The following GNA14 variants were observed in gnomAD, a reference collection of about 807,000 sequenced individuals.
The protein encoded by GNA14 is G protein subunit alpha 14, also known as guanine nucleotide-binding protein subunit alpha-14.
In GNA14, 50 loss-of-function variants were observed where a neutral mutation model predicts 42.0. The ratio of observed to expected loss-of-function variants is 1.19; its 90% confidence interval spans 0.95 to 1.51. The LOEUF (loss-of-function observed/expected upper bound fraction) is 1.51. GNA14 is among the 40% of genes most tolerant of loss of function. The pLI is 0.00. For missense variants in GNA14, 473 were observed against 446.2 expected (o/e 1.06, Z -0.54); for synonymous variants, 173 against 163.1 (o/e 1.06, Z -0.46).
At chr9:77,518,403 A>C (rs1346817458) in intron 2 of GNA14, among the ~76,000 whole-genome samples, 4 of 152,084 alleles carry the variant, frequency 2.6e-5, no homozygotes, top group Non-Finnish European at 4.4e-5. Context: ...AGCAAAGGCA[A>C]GTCTCTACAC....
In GNA14 at chr9:77,431,384, C is replaced by T. The variant is rs761483742; in HGVS notation, c.530G>A (p.Arg177His). The T allele has an allele frequency of 2.0e-5, 32 of 1,613,224 alleles. No homozygotes were observed. Among genetic ancestry groups the T allele is most frequent in the Admixed American group, 1.2e-4 (7 of 59,956 alleles). Residue 177 changes from arginine to histidine, a missense_variant, in exon 4 of 7, where the codon CGC becomes CAC. By Grantham distance (29) the Arg-to-His change is conservative. Transcript: ENST00000341700. ...SFVPTQQDVL[R>H]VRVPTTGIIE... ...GATGCCGGTGGTGGGCACTCGGACG[C>T]GAAGCACATCTTGTTGGGTAGGCAC... is the stretch of plus-strand genomic sequence containing the variant.
chr9:77,437,370 C>T lies in GNA14; in HGVS notation c.310-2848G>A, dbSNP rs371105478. ...GACCAGCATGTCCAACATGGTGAAA[C>T]CCTGTCTCTACCAAAAACATTAAAA... On this transcript the variant is annotated intron_variant, in intron 2 of 6. Coordinates refer to ENST00000341700, the MANE Select transcript of GNA14 (RefSeq NM_004297.4). 3.3e-5 allele frequency among the ~76,000 whole-genome samples: 5 copies of T among 152,246 alleles called. No individual in the cohort carries two copies. In the East Asian group the frequency reaches 5.8e-4, roughly 18 times the overall value.
chr9:77,490,444 G>A (rs1011413157), intron 2 of GNA14, among the ~76,000 whole-genome samples: 2 of 152,238 alleles, frequency 1.3e-5, no homozygotes, highest in African/African-American at 4.8e-5. Flanking sequence ...GGCAGCATTC[G>A]TCGGGGAGGC....
intron 1 of GNA14, among the ~76,000 whole-genome samples, chr9:77,635,496 G>T (rs1330073503): frequency 6.6e-6 from 1 of 152,006 alleles, no homozygotes. Flanking sequence ...CAAATACTAT[G>T]TCAATAACTA....
chr9:77,603,334 G>C (rs1823596575), intron 1 of GNA14, among the ~76,000 whole-genome samples: 1 of 152,024 alleles, frequency 6.6e-6, no homozygotes. Flanking sequence ...TGGCATCAAG[G>C]GTCAGGAGGA....
intron 1 of GNA14, among the ~76,000 whole-genome samples, chr9:77,539,207 T>C (rs1837631346): frequency 6.6e-6 from 1 of 152,236 alleles, no homozygotes; most frequent in Non-Finnish European, 1.5e-5. Flanking sequence ...GTTGAGTTTT[T>C]ATCATGAAGG....
At chr9:77,596,573 T>C (rs1398525371) in intron 1 of GNA14, among the ~76,000 whole-genome samples, 1 of 152,110 alleles carries the variant, frequency 6.6e-6, no homozygotes, top group African/African-American at 2.4e-5. Flanking sequence ...TGGGGGCATA[T>C]GTCAGGTGGC....
At chr9:77,637,904 T>C (rs879264630) in intron 1 of GNA14, among the ~76,000 whole-genome samples, 19 of 152,368 alleles carry the variant, frequency 1.2e-4, no homozygotes, top group Non-Finnish European at 1.8e-4. Flanking sequence ...TAGAAAACTT[T>C]AGCTTTTATT....
At chr9:77,443,666 C>G (rs111772748) in intron 2 of GNA14, among the ~76,000 whole-genome samples, 13 of 152,308 alleles carry the variant, frequency 8.5e-5, no homozygotes, top group African/African-American at 3.1e-4. Context: ...AAGTTCGTTA[C>G]TTTATCTTTT....
chr9:77,481,557 T>G (rs1185138561), intron 2 of GNA14, among the ~76,000 whole-genome samples: 1 of 152,224 alleles, frequency 6.6e-6, no homozygotes, highest in Non-Finnish European at 1.5e-5. Flanking sequence ...TGTAGATGTC[T>G]ATTAGGTCTG....
chr9:77,441,272 TAGTG>T (rs1835729357), intron 2 of GNA14, among the ~76,000 whole-genome samples: 1 of 152,154 alleles, frequency 6.6e-6, no homozygotes, highest in Non-Finnish European at 1.5e-5. Flanking sequence ...GTTCTCGTGA[TAGTG>T]AGTGAGTTCT....
chr9:77,434,334 C>A, intron 3 of GNA14, 34 bp downstream of exon 3: 1 of 1,583,514 alleles, frequency 6.3e-7, no homozygotes, highest in Non-Finnish European at 8.6e-7. Context: ...TGCCTGAAAG[C>A]ACCGCGGGCG....
intron 2 of GNA14, among the ~76,000 whole-genome samples, chr9:77,453,253 G>T (rs1472502628): frequency 6.6e-6 from 1 of 152,204 alleles, no homozygotes; most frequent in African/African-American, 2.4e-5. Context: ...TCACCAGACA[G>T]CACATCTGCT....
chr9:77,500,779 A>G (rs1214150050), intron 2 of GNA14, among the ~76,000 whole-genome samples: 1 of 152,234 alleles, frequency 6.6e-6, no homozygotes, highest in East Asian at 1.9e-4. Context: ...ATGTGTAAAT[A>G]GTTTATTCTC....
chr9:77,442,301 G>C (rs949141260), intron 2 of GNA14, among the ~76,000 whole-genome samples: 5 of 152,212 alleles, frequency 3.3e-5, no homozygotes, highest in Non-Finnish European at 7.3e-5. Context: ...GAACCTGGGA[G>C]GTGGAGGTTG....
chr9:77,571,331 A>T (rs923894110), intron 1 of GNA14, among the ~76,000 whole-genome samples: 2 of 152,304 alleles, frequency 1.3e-5, no homozygotes, highest in African/African-American at 4.8e-5. Context: ...TTAAATTTTG[A>T]CAGAGGAAAT....
At chr9:77,567,781 C>A (rs769575228) in intron 1 of GNA14, among the ~76,000 whole-genome samples, 1 of 152,166 alleles carries the variant, frequency 6.6e-6, no homozygotes, top group African/African-American at 2.4e-5. Context: ...ACAGGAGAAT[C>A]GCTTGAGCCC....
intron 3 of GNA14, among the ~76,000 whole-genome samples, chr9:77,432,576 G>A (rs1402588488): frequency 6.6e-6 from 1 of 152,146 alleles, no homozygotes; most frequent in African/African-American, 2.4e-5. Context: ...TCTAGCTGAG[G>A]GGTTGAAAAC....
At chr9:77,437,296 G>A (rs934180302) in intron 2 of GNA14, among the ~76,000 whole-genome samples, 1 of 152,174 alleles carries the variant, frequency 6.6e-6, no homozygotes, top group Non-Finnish European at 1.5e-5. Flanking sequence ...TGTAATCCCA[G>A]CACTTTGGGA....
Sources: gnomAD v4.1 joint callset for allele counts (sites outside exome capture counted in the v4.1 genomes callset) on GRCh38, gnomAD v4.1.1 for gene constraint, MANE v1.5 for transcripts, NCBI Gene and HGNC (gene_info 2026-07-23, HGNC 2026-07-21) for gene names.